Variants in NALF1 observed in about 807,000 individuals in gnomAD.
NALF1 encodes the protein family with sequence similarity 155 member A.
Under a neutral mutation model 48.4 loss-of-function variants are expected in NALF1, and 3 were observed. The observed-to-expected ratio is 0.06, with a 90% CI of 0.03 to 0.16. NALF1 has a LOEUF of 0.16. Ranked by LOEUF, NALF1 falls within the 10% of genes least tolerant of loss-of-function variation. NALF1 has a pLI of 1.00. For missense variants in NALF1, 526 were observed against 571.5 expected (o/e 0.92, Z 0.81); for synonymous variants, 262 against 245.7 (o/e 1.07, Z -0.62).
chr13:107,243,184 C>T (rs1215898970), intron 1 of NALF1, among the ~76,000 whole-genome samples: 1 of 152,188 alleles, frequency 6.6e-6, no homozygotes, highest in Non-Finnish European at 1.5e-5. Context: ...TTTCTAGGAT[C>T]TCTCTCCCTA....
At chr13:107,368,187 C>A (rs1395823287) in intron 1 of NALF1, among the ~76,000 whole-genome samples, 1 of 152,140 alleles carries the variant, frequency 6.6e-6, no homozygotes, top group Non-Finnish European at 1.5e-5. Flanking sequence ...AAAGTTATAA[C>A]ACCAATATGG....
At chr13:107,602,960 A>C (rs1878970669) in intron 1 of NALF1, among the ~76,000 whole-genome samples, 1 of 152,158 alleles carries the variant, frequency 6.6e-6, no homozygotes, top group Non-Finnish European at 1.5e-5. Flanking sequence ...TAGTGGAAAA[A>C]CGGACAGGGC....
chr13:107,860,173 T>C (rs921503406), intron 1 of NALF1, among the ~76,000 whole-genome samples: 6 of 152,128 alleles, frequency 3.9e-5, no homozygotes, highest in Non-Finnish European at 8.8e-5. Context: ...CATCTCCTTC[T>C]CTCCATGATC....
chr13:107,610,366 C>T (rs986449163), intron 1 of NALF1, among the ~76,000 whole-genome samples: 6 of 152,120 alleles, frequency 3.9e-5, no homozygotes, highest in Admixed American at 3.9e-4. Context: ...ATCTACTTAC[C>T]TTAGTGGATG....
rs1291109653 is a variant in NALF1 at position 107,680,584 on chromosome 13, CTG to C, written c.915+185096_915+185097del. Among the ~76,000 whole-genome samples, 12 of 145,336 alleles carry C rather than the reference CTG, an allele frequency of 8.3e-5. No individual in the cohort carries two copies. The East Asian group carries it at 8.4e-4, about 10-fold the overall frequency. Reference sequence around the variant, plus strand: ...AATGTGTGTGAATGAGGGTATGTGACTGTGTGTGAGGATGTATGTGTGCACGA... The same window carrying C: ...AATGTGTGTGAATGAGGGTATGTGACTGTGTGAGGATGTATGTGTGCACGA... On this transcript the variant is annotated intron_variant, in intron 1 of 2. Coordinates refer to ENST00000375915, the MANE Select transcript of NALF1 (RefSeq NM_001080396.3).
intron 1 of NALF1, among the ~76,000 whole-genome samples, chr13:107,452,379 G>T (rs191349515): frequency 6.6e-6 from 1 of 152,280 alleles, no homozygotes; most frequent in Admixed American, 6.5e-5. Flanking sequence ...AAATCATGGT[G>T]AAAAGTGAAA....
chr13:107,590,129 A>G (rs1434782755), intron 1 of NALF1, among the ~76,000 whole-genome samples: 2 of 152,072 alleles, frequency 1.3e-5, no homozygotes, highest in Non-Finnish European at 2.9e-5. Flanking sequence ...CACCATCATA[A>G]AGTTAGAAAA....
chr13:107,713,152 T>C (rs1875654136), intron 1 of NALF1, among the ~76,000 whole-genome samples: 1 of 152,204 alleles, frequency 6.6e-6, no homozygotes, highest in African/African-American at 2.4e-5. Flanking sequence ...TCTTCGGAAG[T>C]AGCTCTCTTA....
intron 1 of NALF1, among the ~76,000 whole-genome samples, chr13:107,570,651 C>T (rs1231743857): frequency 6.6e-6 from 1 of 151,040 alleles, no homozygotes; most frequent in African/African-American, 2.4e-5. Flanking sequence ...CATATGTATA[C>T]ATGTGCCATG....
At chr13:107,254,062 A>AAAAAAAAAATATATATATATATAT in intron 1 of NALF1, among the ~76,000 whole-genome samples, 1 of 138,582 alleles carries the variant, frequency 7.2e-6, no homozygotes, top group Admixed American at 7.6e-5. Context: ...CAAGTACTAA[A>AAAAAAAAAATATATATATATATAT]ATATATATAT....
chr13:107,187,728 C>T (rs1879205631), intron 2 of NALF1, among the ~76,000 whole-genome samples: 1 of 152,098 alleles, frequency 6.6e-6, no homozygotes, highest in African/African-American at 2.4e-5. Flanking sequence ...TCAGTAATTC[C>T]CCCAAACAAA....
chr13:107,331,608 G>A (rs761341716), intron 1 of NALF1, among the ~76,000 whole-genome samples: 1 of 152,164 alleles, frequency 6.6e-6, no homozygotes, highest in Non-Finnish European at 1.5e-5. Flanking sequence ...TTAACTAGTA[G>A]CTGAGCCAGC....
chr13:107,332,179 C>T lies in NALF1; in HGVS notation c.916-121424G>A, dbSNP rs1882480856. Among the ~76,000 whole-genome samples, 3 of 152,062 alleles carry T rather than the reference C, an allele frequency of 2.0e-5. No individual in the cohort carries two copies. The South Asian group carries it at 6.2e-4, about 32-fold the overall frequency. ...GATTTTGTTAAAGTAGCAATAAAGA[C>T]CCCACTTTCAAAAACATTCATTTAT... On this transcript the variant is annotated intron_variant, in intron 1 of 2. Coordinates refer to ENST00000375915, the MANE Select transcript of NALF1 (RefSeq NM_001080396.3).
At chr13:107,179,042 G>A (rs1312669970) in intron 2 of NALF1, among the ~76,000 whole-genome samples, 2 of 152,084 alleles carry the variant, frequency 1.3e-5, no homozygotes, top group Non-Finnish European at 2.9e-5. Context: ...ATCAGGATAC[G>A]GAAGAGATAC....
intron 1 of NALF1, among the ~76,000 whole-genome samples, chr13:107,628,152 A>C (rs1594169693): frequency 2.0e-5 from 3 of 152,060 alleles, no homozygotes; most frequent in South Asian, 4.1e-4. Context: ...TTTTTAATGA[A>C]CCACCACGAA....
intron 1 of NALF1, among the ~76,000 whole-genome samples, chr13:107,487,342 T>C (rs1885345695): frequency 6.6e-6 from 1 of 152,172 alleles, no homozygotes; most frequent in Admixed American, 6.6e-5. Context: ...TCAGGGCATA[T>C]CTTATTCTTC....
At chr13:107,862,349 T>C (rs935465247) in intron 1 of NALF1, among the ~76,000 whole-genome samples, 2 of 152,172 alleles carry the variant, frequency 1.3e-5, no homozygotes, top group Admixed American at 6.5e-5. Context: ...ATTTGTACTT[T>C]TGTAACTTAG....
intron 1 of NALF1, among the ~76,000 whole-genome samples, chr13:107,801,440 T>C (rs1317811490): frequency 6.6e-6 from 1 of 152,196 alleles, no homozygotes; most frequent in Non-Finnish European, 1.5e-5. Flanking sequence ...GCTGGCATAA[T>C]TGTAACACAG....
intron 1 of NALF1, among the ~76,000 whole-genome samples, chr13:107,564,786 G>T (rs904954475): frequency 1.3e-5 from 2 of 151,960 alleles, no homozygotes; most frequent in Non-Finnish European, 2.9e-5. Flanking sequence ...GCTTCTCTTT[G>T]GGTCACTTTT....
Sources: allele counts gnomAD v4.1 joint callset (sites outside exome capture counted in the v4.1 genomes callset), GRCh38; gene constraint gnomAD v4.1.1; transcripts MANE v1.5; gene names NCBI Gene and HGNC (gene_info 2026-07-23, HGNC 2026-07-21).